TCERG1L: variants seen among roughly 807,000 people sequenced by gnomAD.
TCERG1L encodes transcription elongation regulator 1 like, also known as transcription elongation regulator 1-like protein.
TCERG1L carries 37 observed loss-of-function variants against 56.3 expected under a neutral mutation model. The ratio of observed to expected loss-of-function variants is 0.66; its 90% CI spans 0.51 to 0.87. The LOEUF is 0.87. Among genes scored for constraint, TCERG1L ranks in the 40% least tolerant of loss-of-function variants. The pLI, the probability that TCERG1L is intolerant of heterozygous loss-of-function variation, is 0.00. For missense variants in TCERG1L, 799 were observed against 774.2 expected (o/e 1.03, Z -0.38); for synonymous variants, 324 against 326.3 (o/e 0.99, Z 0.08).
chr10:131,158,599 C>G (rs956665943), intron 6 of TCERG1L, among the ~76,000 whole-genome samples: 1 of 152,216 alleles, frequency 6.6e-6, no homozygotes, highest in East Asian at 1.9e-4. Context: ...CCTGCTTTAG[C>G]CCAGCCTGCT....
rs1047262231 is a variant in TCERG1L at position 131,113,310 on chromosome 10, G to A, written c.1395+3489C>T. ...AAAGGCACCTTCAAGGATGCTGTCC[G>A]CACAGGCACCTCCCCTTCCCTGGTG... On this transcript the variant is annotated intron_variant, in intron 9 of 11. Coordinates refer to ENST00000368642, the MANE Select transcript of TCERG1L (RefSeq NM_174937.4). Among the ~76,000 whole-genome samples the A allele has an allele frequency of 1.2e-4, 17 of 142,208 alleles. 3 individuals carry two copies. Among genetic ancestry groups the A allele is most frequent in the Non-Finnish European group, 1.4e-4 (9 of 63,224 alleles). The allele number at this position is 142,208 out of a possible 152,430, so 93.3% of individuals were successfully genotyped here.
At chr10:131,182,447 G>A (rs992187588) in intron 4 of TCERG1L, among the ~76,000 whole-genome samples, 1 of 152,194 alleles carries the variant, frequency 6.6e-6, no homozygotes, top group Admixed American at 6.5e-5. Context: ...CATCCTCTTT[G>A]ATAGAAATCA....
At chr10:131,148,367 CACAG>C (rs774217698) in intron 6 of TCERG1L, among the ~76,000 whole-genome samples, 4 of 142,364 alleles carry the variant, frequency 2.8e-5, no homozygotes, top group African/African-American at 7.6e-5. Context: ...CACACATGCA[CACAG>C]ACATAGAGAC....
intron 4 of TCERG1L, among the ~76,000 whole-genome samples, chr10:131,186,770 A>G (rs574118406): frequency 6.6e-6 from 1 of 152,136 alleles, no homozygotes; most frequent in Non-Finnish European, 1.5e-5. Context: ...CGGGCACTCC[A>G]CACCACCAAG....
Position 131,260,389 on chromosome 10 carries a change from G to T in TCERG1L, c.726C>A (p.Thr242=). The change falls in exon 4 of 12, where the codon ACC becomes ACA. Residue 242 remains threonine, a synonymous_variant. Coordinates refer to ENST00000368642, the MANE Select transcript of TCERG1L (RefSeq NM_174937.4). The surrounding 1 kb of genome is among the most constrained non-coding windows in gnomAD (Gnocchi z 5.8). ...VTSSPAIAIA[T]AAAAAMVSVD... is the part of the protein sequence containing the mutation. The stretch of plus-strand genomic sequence containing the variant: ...CGGAGACCATGGCAGCGGCGGCGGC[G>T]GTGGCGATGGCAATGGCGGGGCTGC... 2 of 1,486,298 alleles carry T rather than the reference G, an allele frequency of 1.3e-6. No individual in the cohort carries two copies. Among genetic ancestry groups the T allele is most frequent in the South Asian group, 1.4e-5 (1 of 69,664 alleles). 92.1% of individuals were successfully genotyped at this position (1,486,298 alleles called of 1,614,324 possible). A position where few individuals can be genotyped will look rare whatever the true frequency, so the allele number is the denominator to read the frequency against.
chr10:131,271,025 T>C (rs1301520785), intron 3 of TCERG1L, among the ~76,000 whole-genome samples: 1 of 152,134 alleles, frequency 6.6e-6, no homozygotes, highest in Admixed American at 6.5e-5. Flanking sequence ...ACTGAGGCAT[T>C]TGGCTGGGCT....
At chr10:131,280,723 A>G (rs1343332938) in intron 3 of TCERG1L, among the ~76,000 whole-genome samples, 1 of 152,052 alleles carries the variant, frequency 6.6e-6, no homozygotes, top group Non-Finnish European at 1.5e-5. Flanking sequence ...ACACACACAC[A>G]GACACCTGTT....
chr10:131,187,112 G>C (rs1481858447), intron 4 of TCERG1L, among the ~76,000 whole-genome samples: 1 of 152,222 alleles, frequency 6.6e-6, no homozygotes, highest in Admixed American at 6.5e-5. Context: ...GAGCTGGCAT[G>C]AGCTCCGAGG....
At chr10:131,262,451 T>C (rs1846245210) in intron 3 of TCERG1L, among the ~76,000 whole-genome samples, 1 of 152,196 alleles carries the variant, frequency 6.6e-6, no homozygotes, top group African/African-American at 2.4e-5. Flanking sequence ...TTTCTCTCCT[T>C]TCTTTTGGAA....
chr10:131,179,497 A>G (rs1254785134), intron 4 of TCERG1L, among the ~76,000 whole-genome samples: 1 of 152,150 alleles, frequency 6.6e-6, no homozygotes, highest in Non-Finnish European at 1.5e-5. Flanking sequence ...TCACCGGAGT[A>G]GCCCTCGGTC....
intron 4 of TCERG1L, among the ~76,000 whole-genome samples, chr10:131,205,478 AATG>A (rs1419739028): frequency 2.0e-5 from 3 of 152,206 alleles, no homozygotes; most frequent in African/African-American, 7.2e-5. Context: ...TTATTCCCAC[AATG>A]ATTTCTCTGT....
intron 3 of TCERG1L, among the ~76,000 whole-genome samples, chr10:131,280,251 A>G (rs538072194): frequency 6.6e-6 from 1 of 152,010 alleles, no homozygotes; most frequent in East Asian, 1.9e-4. Flanking sequence ...GGAGGCAATC[A>G]GACATGCACT....
At chr10:131,199,793 T>G (rs767226148) in intron 4 of TCERG1L, among the ~76,000 whole-genome samples, 1 of 152,202 alleles carries the variant, frequency 6.6e-6, no homozygotes. Context: ...GTGCCCCTCC[T>G]GTAAACAGTG....
At chr10:131,305,612 G>A (rs1348517846) in intron 3 of TCERG1L, among the ~76,000 whole-genome samples, 1 of 151,974 alleles carries the variant, frequency 6.6e-6, no homozygotes. Context: ...AGTACTTAAA[G>A]AATGATCATT....
chr10:131,300,299 T>A (rs139749078), intron 3 of TCERG1L, among the ~76,000 whole-genome samples: 61 of 152,340 alleles, frequency 4.0e-4, no homozygotes, highest in Non-Finnish European at 7.9e-4. Flanking sequence ...TTATTTCCTT[T>A]GTTCATTACG....
In TCERG1L at chr10:131,230,277, G is replaced by A. The variant is rs541024020; in HGVS notation, c.856+29982C>T. ...ACAGAGGCAGCTGTGAGCTGCTTGC[G>A]CGCCCCTCCTGGGTGCACTATTCTG... On this transcript the variant is annotated intron_variant, in intron 4 of 11. Coordinates refer to ENST00000368642, the MANE Select transcript of TCERG1L (RefSeq NM_174937.4). Among the ~76,000 whole-genome samples the A allele has an allele frequency of 1.5e-4, 23 of 152,374 alleles. No individual in the cohort carries two copies. In the South Asian group the frequency reaches 3.3e-3, roughly 22 times the overall value.
chr10:131,116,956 A>C lies in TCERG1L; in HGVS notation c.1260-22T>G, dbSNP rs1034297685. On this transcript the variant is annotated intron_variant, in intron 8 of 11. Transcript: ENST00000368642. ...GGTCCTTCAGGAACACAAGACGCAG[A>C]GTTAGACACACTCGTGGGGACCCAG... 16 of 1,600,754 alleles carry C rather than the reference A, an allele frequency of 1.0e-5. No homozygotes were observed. The African/African-American group carries it at 1.7e-4, about 17-fold the overall frequency.
At chr10:131,186,945 G>T (rs1356172875) in intron 4 of TCERG1L, among the ~76,000 whole-genome samples, 2 of 152,222 alleles carry the variant, frequency 1.3e-5, no homozygotes, top group Non-Finnish European at 2.9e-5. Context: ...TGAAAAGTCA[G>T]AAGCTATGAA....
chr10:131,116,354 T>C (rs1183130156), intron 9 of TCERG1L, among the ~76,000 whole-genome samples: 2 of 152,192 alleles, frequency 1.3e-5, no homozygotes, highest in Non-Finnish European at 2.9e-5. Flanking sequence ...GCACCGCGAC[T>C]GGCCCAGCTC....
Sources: gnomAD v4.1 joint callset for allele counts (sites outside exome capture counted in the v4.1 genomes callset) on GRCh38, gnomAD v4.1.1 for gene constraint, Gnocchi (gnomAD v3.1) non-coding constraint, MANE v1.5 for transcripts, NCBI Gene and HGNC (gene_info 2026-07-23, HGNC 2026-07-21) for gene names.